Variants in RNF115 observed in about 807,000 individuals in gnomAD.
RNF115 encodes the protein ring finger protein 115, also known as E3 ubiquitin-protein ligase RNF115.
Under a neutral mutation model 39.2 loss-of-function variants are expected in RNF115, and 31 were observed. That is an observed-to-expected ratio of 0.79 (90% confidence interval 0.59 to 1.07). The LOEUF (loss-of-function observed/expected upper bound fraction) is 1.07. RNF115 is among the 50% of genes least tolerant of loss of function. The probability of loss-of-function intolerance (pLI) is 0.00; values close to 1 mark genes in which losing one functional copy is unlikely to be tolerated. For missense variants in RNF115, 384 were observed against 381.7 expected, an observed-to-expected ratio of 1.01 and a Z score of -0.05; for synonymous variants, 124 against 131.0, an observed-to-expected ratio of 0.95 and a Z score of 0.37.
chr1:145,775,554 C>A (rs1356631040), intron 3 of RNF115, among the ~76,000 whole-genome samples: 2 of 150,420 alleles, frequency 1.3e-5, no homozygotes, highest in South Asian at 2.1e-4. Context: ...TACCATCACA[C>A]TCAGCTAATT....
Position 145,808,575 on chromosome 1 carries a change from T to C in RNF115, c.102+15197A>G, listed in dbSNP as rs969498272. ...TTCAACAACCCTTTAATCTAAAACA[T>C]ACAAATCAAGACTAGCAGTGAAAAT... On this transcript the variant is annotated intron_variant, in intron 1 of 8. Coordinates refer to ENST00000582693, the MANE Select transcript of RNF115 (RefSeq NM_014455.4). Among the ~76,000 whole-genome samples, 9 of 152,300 alleles carry C rather than the reference T, an allele frequency of 5.9e-5. No individual in the cohort carries two copies. The South Asian group carries it at 6.2e-4, about 11-fold the overall frequency.
At chr1:145,763,055 A>G (rs587738941) in intron 4 of RNF115, among the ~76,000 whole-genome samples, 2 of 152,256 alleles carry the variant, frequency 1.3e-5, no homozygotes, top group South Asian at 4.1e-4. Flanking sequence ...TATAGGTACT[A>G]TGTTCACTGC....
At chr1:145,788,362 G>A (rs1212184504) in intron 2 of RNF115, among the ~76,000 whole-genome samples, 7 of 152,132 alleles carry the variant, frequency 4.6e-5, no homozygotes, top group Non-Finnish European at 8.8e-5. Flanking sequence ...GATTACAGGC[G>A]TGAGCCACCA....
At position 145,750,552 on chromosome 1, in the gene RNF115, T is replaced by C. The variant is rs1234652041; in HGVS notation, c.574-52A>G. 7 of 1,405,626 alleles carry C rather than the reference T, an allele frequency of 5.0e-6. No homozygotes were observed. In the Admixed American group the frequency reaches 1.0e-4, roughly 21 times the overall value. 87.1% of individuals were successfully genotyped at this position (1,405,626 alleles called of 1,614,324 possible). A position where few individuals can be genotyped will look rare whatever the true frequency, so the allele number is the denominator to read the frequency against. Reference sequence around the variant, plus strand: ...GAAGTGGCAGACATCGCAATATCCCTGGAGAGGGAACTGCTCCAGCTGAGA... The same window carrying C: ...GAAGTGGCAGACATCGCAATATCCCCGGAGAGGGAACTGCTCCAGCTGAGA... On this transcript the variant is annotated intron_variant, in intron 6 of 8. Coordinates refer to ENST00000582693, the MANE Select transcript of RNF115 (RefSeq NM_014455.4).
chr1:145,808,916 TAGA>T (rs1171439383), intron 1 of RNF115, among the ~76,000 whole-genome samples: 1 of 152,194 alleles, frequency 6.6e-6, no homozygotes, highest in Non-Finnish European at 1.5e-5. Context: ...AAAGATTCTC[TAGA>T]AGAAGCTTTC....
chr1:145,780,388 A>C (rs1315801583), intron 3 of RNF115, among the ~76,000 whole-genome samples: 2 of 152,136 alleles, frequency 1.3e-5, no homozygotes, highest in Non-Finnish European at 2.9e-5. Context: ...TGGGAGACCA[A>C]GGCGGGCAGA....
intron 1 of RNF115, among the ~76,000 whole-genome samples, chr1:145,797,155 T>C (rs782072091): frequency 1.8e-4 from 28 of 152,256 alleles, no homozygotes; most frequent in Non-Finnish European, 3.8e-4. Context: ...TTCTCTTCCT[T>C]ATCTCTCCCT....
At chr1:145,797,892 T>C (rs1247168213) in intron 1 of RNF115, among the ~76,000 whole-genome samples, 1 of 152,222 alleles carries the variant, frequency 6.6e-6, no homozygotes, top group African/African-American at 2.4e-5. Context: ...ATCTCTCTGA[T>C]GATTAGTGAT....
In RNF115 at chr1:145,743,403, C is replaced by G. The variant is rs1453152730; in HGVS notation, c.*3463G>C. ...GCTGGCCTTCAGACTGGAACTACAC[C>G]ATCAGCTCTCCTGGATCTCTAGCTG... On this transcript the variant is annotated 3_prime_UTR_variant, in exon 9 of 9. Transcript: ENST00000582693. 6.6e-6 allele frequency: 1 copy of G among 152,308 alleles called. No individual in the cohort carries two copies. Among genetic ancestry groups the G allele is most frequent in the East Asian group, 1.9e-4 (1 of 5,196 alleles). The allele number at this position is 152,308 out of a possible 1,614,324, so 9.4% of individuals were successfully genotyped here. A position where few individuals can be genotyped will look rare whatever the true frequency, so the allele number is the denominator to read the frequency against.
At chr1:145,815,220 T>C (rs1649933770) in intron 1 of RNF115, among the ~76,000 whole-genome samples, 1 of 152,306 alleles carries the variant, frequency 6.6e-6, no homozygotes, top group South Asian at 2.1e-4. Context: ...TAGATAACAT[T>C]ACTTATTGAT....
chr1:145,742,218 CA>C lies in RNF115; in HGVS notation c.*4647del, dbSNP rs1314262146. 1 of 152,062 alleles carries C rather than the reference CA, an allele frequency of 6.6e-6. No individual in the cohort carries two copies. The highest frequency in any genetic ancestry group is 1.5e-5 in the Non-Finnish European group (1 of 68,018). 9.4% of individuals were successfully genotyped at this position (152,062 alleles called of 1,614,324 possible). A position where few individuals can be genotyped will look rare whatever the true frequency, so the allele number is the denominator to read the frequency against. The stretch of plus-strand genomic sequence containing the variant: ...TTCCCTCCTGATTTATTAAGACCGA[CA>C]TATTTAATTTGCATTTCTTGAGGGA... On this transcript the variant is annotated 3_prime_UTR_variant, in exon 9 of 9. Transcript: ENST00000582693.
intron 1 of RNF115, among the ~76,000 whole-genome samples, chr1:145,796,096 T>C (rs587614953): frequency 6.6e-6 from 1 of 152,320 alleles, no homozygotes; most frequent in South Asian, 2.1e-4. Flanking sequence ...AAAATGATAC[T>C]CTAAAGTTAT....
At position 145,765,990 on chromosome 1, in the gene RNF115, A is replaced by G. The variant is rs1393921396; in HGVS notation, c.428+5721T>C. Among the ~76,000 whole-genome samples the G allele has an allele frequency of 2.0e-5, 3 of 152,080 alleles. No homozygotes were observed. The East Asian group carries it at 5.8e-4, about 29-fold the overall frequency. On this transcript the variant is annotated intron_variant, in intron 4 of 8. Coordinates refer to ENST00000582693, the MANE Select transcript of RNF115 (RefSeq NM_014455.4). ...TCTGATTTCTTAAATACAAATACAA[A>G]GTACTCTTTTTCTTTTTTTTTTTTT... is the stretch of plus-strand genomic sequence containing the variant.
In RNF115 at chr1:145,748,084, T is replaced by C; in HGVS notation, c.694A>G (p.Lys232Glu). 1 of 1,613,314 alleles carries C rather than the reference T, an allele frequency of 6.2e-7. No individual in the cohort carries two copies. The highest frequency in any genetic ancestry group is 8.5e-7 in the Non-Finnish European group (1 of 1,179,308). Reference protein sequence around the residue: ...VDMGLECPVCKEDYTVEEEVR... With the variant: ...VDMGLECPVCEEDYTVEEEVR... Reference sequence around the variant, plus strand: ...TCCTCTTCAACTGTGTAATCTTCTTTGCATACTGGACACTCTAAACCCATA... The same window carrying C: ...TCCTCTTCAACTGTGTAATCTTCTTCGCATACTGGACACTCTAAACCCATA... Residue 232 changes from lysine (K) to glutamate (E), a missense_variant, in exon 8 of 9, where the codon AAA (lysine) becomes GAA (glutamate). By Grantham distance (56) the Lys-to-Glu change is moderately conservative. Coordinates refer to ENST00000582693, the MANE Select transcript of RNF115 (RefSeq NM_014455.4).
At chr1:145,757,303 CA>C (rs1658338460) in intron 4 of RNF115, among the ~76,000 whole-genome samples, 1 of 152,082 alleles carries the variant, frequency 6.6e-6, no homozygotes, top group Non-Finnish European at 1.5e-5. Flanking sequence ...TTGGGGGACA[CA>C]ATTCTACCCA....
Position 145,784,560 on chromosome 1 carries a change from G to T in RNF115, c.198C>A (p.Thr66=). Residue 66 remains threonine (T), a synonymous_variant, in exon 3 of 9, where the codon ACC becomes ACA. Coordinates refer to ENST00000582693, the MANE Select transcript of RNF115 (RefSeq NM_014455.4). ...TTACCTCTGCAAAATGTGTTGTTGT[G>T]GTATTGTCTATCCGACTGCCGCCAC... ...LGGGGSRIDN[T]TTTHFAELWG... The T allele has an allele frequency of 1.9e-6, 3 of 1,613,746 alleles. No homozygotes were observed. In the South Asian group the frequency reaches 3.3e-5, roughly 18 times the overall value.
At chr1:145,801,913 G>A (rs960771579) in intron 1 of RNF115, among the ~76,000 whole-genome samples, 12 of 151,950 alleles carry the variant, frequency 7.9e-5, no homozygotes, top group African/African-American at 1.5e-4. Flanking sequence ...TCAGCCTCCC[G>A]AGTAGCTGGG....
At chr1:145,823,721 G>A (rs781830632) in intron 1 of RNF115, 51 bp downstream of exon 1, 15 of 1,360,746 alleles carry the variant, frequency 1.1e-5, no homozygotes, top group South Asian at 2.6e-5. Flanking sequence ...CCGGGAAATC[G>A]GGGCCAGGAA....
At chr1:145,805,897 A>T (rs1285586671) in intron 1 of RNF115, among the ~76,000 whole-genome samples, 1 of 152,180 alleles carries the variant, frequency 6.6e-6, no homozygotes, top group East Asian at 1.9e-4. Flanking sequence ...ATAATTAATT[A>T]AAATAAATAA....
Sources: gnomAD v4.1 joint callset for allele counts (sites outside exome capture counted in the v4.1 genomes callset) on GRCh38, gnomAD v4.1.1 for gene constraint, MANE v1.5 for transcripts, NCBI Gene and HGNC (gene_info 2026-07-23, HGNC 2026-07-21) for gene names.